Variants in STXBP4 observed in about 807,000 individuals in gnomAD.
STXBP4 encodes the protein syntaxin binding protein 4.
STXBP4 carries 55 observed loss-of-function variants against 76.1 expected under a neutral mutation model. The ratio of observed to expected loss-of-function variants is 0.72; its 90% CI spans 0.58 to 0.91. STXBP4 has a LOEUF of 0.91. Ranked by LOEUF, STXBP4 falls within the 40% of genes least tolerant of loss-of-function variation. STXBP4 has a pLI of 0.00. For synonymous variants in STXBP4, 201 were observed against 220.2 expected (o/e 0.91, Z 0.77); for missense variants, 618 against 636.9 (o/e 0.97, Z 0.32).
At position 55,169,285 on chromosome 17, in the gene STXBP4, A is replaced by G. The variant is rs1340292294; in HGVS notation, c.*9374A>G. On this transcript the variant is annotated 3_prime_UTR_variant, in exon 18 of 18. Coordinates refer to ENST00000376352, the MANE Select transcript of STXBP4 (RefSeq NM_178509.6). ...CTCCCACGGGAGAGCCCTAGAGACA[A>G]AAAGGTTCTACAGTAGGTTCAAGTC... 4.0e-5 allele frequency: 6 copies of G among 151,144 alleles called. No individual in the cohort carries two copies. Among genetic ancestry groups the G allele is most frequent in the Non-Finnish European group, 4.4e-5 (3 of 67,830 alleles). 9.4% of individuals were successfully genotyped at this position (151,144 alleles called of 1,614,324 possible). A position where few individuals can be genotyped will look rare whatever the true frequency, so the allele number is the denominator to read the frequency against.
intron 16 of STXBP4, among the ~76,000 whole-genome samples, chr17:55,103,403 CT>C (rs1358060402): frequency 6.6e-6 from 1 of 152,058 alleles, no homozygotes; most frequent in Non-Finnish European, 1.5e-5. Flanking sequence ...TTCTCCATTG[CT>C]TGTTTTTGTC....
chr17:55,117,775 G>A (rs1335211897), intron 16 of STXBP4, among the ~76,000 whole-genome samples: 1 of 151,918 alleles, frequency 6.6e-6, no homozygotes, highest in Non-Finnish European at 1.5e-5. Flanking sequence ...TAGTCTCAGA[G>A]CATTAGTGTA....
intron 12 of STXBP4, among the ~76,000 whole-genome samples, chr17:55,054,138 C>CA (rs764686158): frequency 2.0e-5 from 3 of 151,676 alleles, no homozygotes; most frequent in Admixed American, 6.6e-5. Flanking sequence ...TTTAATAAGA[C>CA]AAAAAAATGA....
chr17:55,052,138 G>T (rs2144782265), intron 12 of STXBP4, among the ~76,000 whole-genome samples: 1 of 152,230 alleles, frequency 6.6e-6, no homozygotes, highest in South Asian at 2.1e-4. Flanking sequence ...ATATCTAAGT[G>T]TCCAGATACC....
At chr17:55,053,369 T>C (rs1366326140) in intron 12 of STXBP4, among the ~76,000 whole-genome samples, 1 of 152,132 alleles carries the variant, frequency 6.6e-6, no homozygotes, top group African/African-American at 2.4e-5. Context: ...ATGTGTGTTA[T>C]TTATACACAT....
intron 10 of STXBP4, among the ~76,000 whole-genome samples, chr17:55,042,791 A>T (rs929372982): frequency 6.6e-6 from 1 of 152,146 alleles, no homozygotes; most frequent in African/African-American, 2.4e-5. Context: ...TTAAAACCAG[A>T]TACATAATCG....
At chr17:55,184,716 G>A in the STXBP4 span, among the ~76,000 whole-genome samples, 5 of 152,168 alleles carry the variant, frequency 3.3e-5, no homozygotes, top group African/African-American at 1.2e-4. Context: ...GGAAGCTAAA[G>A]AGACCTAACT....
intron 16 of STXBP4, among the ~76,000 whole-genome samples, chr17:55,137,256 C>T (rs1220270613): frequency 6.6e-6 from 1 of 150,836 alleles, no homozygotes; most frequent in Non-Finnish European, 1.5e-5. Flanking sequence ...AGAGATATCT[C>T]CCCCCACACC....
chr17:54,982,264 TACTC>T (rs929077108), intron 1 of STXBP4, among the ~76,000 whole-genome samples: 4 of 152,192 alleles, frequency 2.6e-5, no homozygotes, highest in Non-Finnish European at 4.4e-5. Context: ...TACTAAGTCT[TACTC>T]AAACACCATA....
chr17:55,176,086 T>C (rs1265991389), downstream of STXBP4, among the ~76,000 whole-genome samples: 1 of 152,136 alleles, frequency 6.6e-6, no homozygotes, highest in Non-Finnish European at 1.5e-5. Flanking sequence ...AAACAAACCA[T>C]TCATTTTTTG....
rs566395937 is a variant in STXBP4, at chr17:55,048,217, A to G, written c.1011+1063A>G. On this transcript the variant is annotated intron_variant, in intron 12 of 17. Coordinates refer to ENST00000376352, the MANE Select transcript of STXBP4 (RefSeq NM_178509.6). ...AATTCCTTGGAGACTTCGCAATGAT[A>G]GGAAAGAAGGAAATAAGAAGGGAAA... 2.8e-4 allele frequency among the ~76,000 whole-genome samples: 43 copies of G among 152,030 alleles called. 1 individual carries two copies. Among genetic ancestry groups the G allele is most frequent in the Middle Eastern group, 6.8e-3 (2 of 292 alleles).
intron 16 of STXBP4, among the ~76,000 whole-genome samples, chr17:55,120,638 C>A (rs561160485): frequency 6.6e-6 from 1 of 152,292 alleles, no homozygotes; most frequent in African/African-American, 2.4e-5. Context: ...TACTTGTAGA[C>A]ATACTGGGTA....
At chr17:55,064,240 TTCA>T (rs778304079) in intron 12 of STXBP4, among the ~76,000 whole-genome samples, 16 of 152,134 alleles carry the variant, frequency 1.1e-4, no homozygotes, top group Non-Finnish European at 2.2e-4. Context: ...AACTGTGAAC[TTCA>T]TCACAGTTCT....
Position 55,055,695 on chromosome 17 carries a change from C to T in STXBP4, c.1011+8541C>T, listed in dbSNP as rs565240283. Among the ~76,000 whole-genome samples, 3 of 152,284 alleles carry T rather than the reference C, an allele frequency of 2.0e-5. No homozygotes were observed. In the East Asian group the frequency reaches 5.8e-4, roughly 29 times the overall value. On this transcript the variant is annotated intron_variant, in intron 12 of 17. Coordinates refer to ENST00000376352, the MANE Select transcript of STXBP4 (RefSeq NM_178509.6). ...ACCTGCTGTCCTTTCCCCATCCTAACACTCCTTTTAAAGTACCTCAGCTCT... is the reference window on the plus strand; with the variant it reads ...ACCTGCTGTCCTTTCCCCATCCTAATACTCCTTTTAAAGTACCTCAGCTCT...
chr17:55,050,750 C>T (rs1306979726), intron 12 of STXBP4, among the ~76,000 whole-genome samples: 1 of 152,180 alleles, frequency 6.6e-6, no homozygotes, highest in Non-Finnish European at 1.5e-5. Flanking sequence ...TCACTGCAAC[C>T]TCCACCTCCC....
chr17:55,054,401 A>G (rs987583907), intron 12 of STXBP4, among the ~76,000 whole-genome samples: 25 of 152,198 alleles, frequency 1.6e-4, no homozygotes, highest in Admixed American at 4.6e-4. Context: ...AGGCACAAGA[A>G]TCACTTTAAC....
chr17:55,175,913 G>A (rs1598364619), downstream of STXBP4, among the ~76,000 whole-genome samples: 1 of 152,302 alleles, frequency 6.6e-6, no homozygotes, highest in East Asian at 1.9e-4. Flanking sequence ...GGAGAGCCCA[G>A]GGGAGACAAT....
rs1349263591 is a variant in STXBP4 at position 55,161,014 on chromosome 17, C to G, written c.*1103C>G. The G allele has an allele frequency of 2.0e-5, 3 of 152,274 alleles. No individual in the cohort carries two copies. The East Asian group carries it at 5.8e-4, about 29-fold the overall frequency. The allele number at this position is 152,274 out of a possible 1,614,324, so 9.4% of individuals were successfully genotyped here. A position where few individuals can be genotyped will look rare whatever the true frequency, so the allele number is the denominator to read the frequency against. ...TCGAAACAAGATGGAAGCCTAAAGC[C>G]CAAGTCGAGCAGCTCCCAGCACTGC... On this transcript the variant is annotated 3_prime_UTR_variant, in exon 18 of 18. Transcript: ENST00000376352.
At chr17:55,092,637 T>C (rs895034949) in intron 16 of STXBP4, among the ~76,000 whole-genome samples, 1 of 152,252 alleles carries the variant, frequency 6.6e-6, no homozygotes, top group Non-Finnish European at 1.5e-5. Flanking sequence ...CAGATGTTCC[T>C]ATCTGAAATC....
Sources: allele counts gnomAD v4.1 joint callset (sites outside exome capture counted in the v4.1 genomes callset), GRCh38; gene constraint gnomAD v4.1.1; transcripts MANE v1.5; gene names NCBI Gene and HGNC (gene_info 2026-07-23, HGNC 2026-07-21).